Variants in CACNG8 observed in about 807,000 individuals in gnomAD.
CACNG8 encodes the protein voltage-dependent calcium channel gamma-8 subunit.
A neutral mutation model predicts 26.9 loss-of-function variants in CACNG8; 5 were observed. The observed-to-expected ratio is 0.19, with a 90% CI of 0.10 to 0.39. The LOEUF is 0.39. Among genes scored for constraint, CACNG8 ranks in the 10% least tolerant of loss-of-function variants. The pLI is 1.00. For synonymous variants in CACNG8, 321 were observed against 296.7 expected (o/e 1.08, Z -0.84); for missense variants, 473 against 609.4 (o/e 0.78, Z 2.36).
intron 1 of CACNG8, among the ~76,000 whole-genome samples, chr19:53,973,360 T>A (rs934626178): frequency 6.7e-6 from 1 of 150,106 alleles, no homozygotes; most frequent in Non-Finnish European, 1.5e-5. Context: ...CATCTCTACT[T>A]AACATACAAA....
intron 1 of CACNG8, among the ~76,000 whole-genome samples, chr19:53,976,289 G>A (rs1235250667): frequency 9.2e-5 from 14 of 152,236 alleles, no homozygotes; most frequent in Non-Finnish European, 2.1e-4. Flanking sequence ...AGGAGGTGGA[G>A]GTTGCAGTGA....
Position 53,978,060 on chromosome 19 carries a change from GA to G in CACNG8, c.284-84del. On this transcript the variant is annotated intron_variant, in intron 1 of 3. Transcript: ENST00000270458. The stretch of plus-strand genomic sequence containing the variant: ...AGCCCAGAGAGAGAAGGGGTTTGGG[GA>G]AGGGAAGGGTCGGTTGTCAGTGGGG... 5.6e-6 allele frequency: 5 copies of G among 887,250 alleles called. No homozygotes were observed. In the South Asian group the frequency reaches 7.4e-5, roughly 13 times the overall value. The allele number at this position is 887,250 out of a possible 1,614,324, so 55.0% of individuals were successfully genotyped here.
At chr19:53,981,886 G>A (rs1290696334) in intron 3 of CACNG8, among the ~76,000 whole-genome samples, 194 bp from the exon 4 acceptor site, 1 of 152,082 alleles carries the variant, frequency 6.6e-6, no homozygotes, top group East Asian at 1.9e-4. Context: ...GCATCGGGCG[G>A]GGAGTTGTGT....
At chr19:53,970,452 C>G (rs1009253415) in intron 1 of CACNG8, among the ~76,000 whole-genome samples, 1 of 151,084 alleles carries the variant, frequency 6.6e-6, no homozygotes, top group Admixed American at 6.6e-5. Flanking sequence ...TGGTGAAACC[C>G]CGTCTCTACT....
At chr19:53,965,855 T>C (rs1418016280) in intron 1 of CACNG8, among the ~76,000 whole-genome samples, 1 of 151,644 alleles carries the variant, frequency 6.6e-6, no homozygotes, top group Non-Finnish European at 1.5e-5. Flanking sequence ...CCCGAGCAGG[T>C]GACATTTGAT....
At chr19:53,967,773 T>G (rs1387644941) in intron 1 of CACNG8, among the ~76,000 whole-genome samples, 1 of 152,052 alleles carries the variant, frequency 6.6e-6, no homozygotes, top group Non-Finnish European at 1.5e-5. Context: ...AGGTGGAGGT[T>G]GCAGTGAGCC....
At position 53,981,530 on chromosome 19, in the gene CACNG8, C is replaced by A. The variant is rs532621186; in HGVS notation, c.509-550C>A. ...CCATCTGGGGGTGGGTCCTAGACCA[C>A]CTGGGGCAGAGTTTAGACCAGCCAG... On this transcript the variant is annotated intron_variant, in intron 3 of 3. Coordinates refer to ENST00000270458, the MANE Select transcript of CACNG8 (RefSeq NM_031895.6). Among the ~76,000 whole-genome samples the A allele has an allele frequency of 5.4e-4, 82 of 151,984 alleles. 1 individual carries two copies. The East Asian group carries it at 0.015, about 28-fold the overall frequency.
Position 53,979,065 on chromosome 19 carries a change from G to C in CACNG8, c.368-802G>C, listed in dbSNP as rs1357531886. Among the ~76,000 whole-genome samples the C allele has an allele frequency of 3.3e-4, 49 of 148,264 alleles. No individual in the cohort carries two copies. In the Admixed American group the frequency reaches 3.3e-3, roughly 10 times the overall value. On this transcript the variant is annotated intron_variant, in intron 2 of 3. Transcript: ENST00000270458. The stretch of plus-strand genomic sequence containing the variant: ...ATGAGGCCAGGCAGAAAAAAAAAGA[G>C]GGGGGAGAGACCTAGGAAGATAGGT...
chr19:53,980,547 G>T (rs531095288), intron 3 of CACNG8, among the ~76,000 whole-genome samples: 138 of 152,286 alleles, frequency 9.1e-4, no homozygotes, highest in African/African-American at 2.9e-3. Flanking sequence ...TAAAGGGGCT[G>T]GGTAAGGGAG....
chr19:53,963,527 AC>A (rs930390067), intron 1 of CACNG8, 102 bp downstream of exon 1: 1 of 1,191,990 alleles, frequency 8.4e-7, no homozygotes, highest in African/African-American at 1.6e-5. Context: ...CCCCTTGGGC[AC>A]CCCTCCTCCT....
chr19:53,964,909 G>A (rs2069263849), intron 1 of CACNG8, among the ~76,000 whole-genome samples: 1 of 152,056 alleles, frequency 6.6e-6, no homozygotes, highest in South Asian at 2.1e-4. Flanking sequence ...GCCCCCTTCG[G>A]CCAAAAGATT....
chr19:53,963,087 C>A lies in CACNG8; in HGVS notation c.-56C>A. On this transcript the variant is annotated 5_prime_UTR_variant, in exon 1 of 4. Transcript: ENST00000270458. ...AACCCCCCCCCAGCCGCCGGCACGG[C>A]CCCGCCCCCGCTGCCCCGGTGGTGG... 3.2e-6 allele frequency: 4 copies of A among 1,257,274 alleles called. No homozygotes were observed. The highest frequency in any genetic ancestry group is 4.1e-6 in the Non-Finnish European group (4 of 963,902). 77.9% of individuals were successfully genotyped at this position (1,257,274 alleles called of 1,614,324 possible).
At chr19:53,972,328 CTTTT>C (rs1171175449) in intron 1 of CACNG8, among the ~76,000 whole-genome samples, 1 of 126,560 alleles carries the variant, frequency 7.9e-6, no homozygotes, top group Non-Finnish European at 1.7e-5. Flanking sequence ...TGCTTTCTTT[CTTTT>C]TTTTTTCTTT....
chr19:53,971,847 C>T (rs1347349059), intron 1 of CACNG8, among the ~76,000 whole-genome samples: 1 of 152,200 alleles, frequency 6.6e-6, no homozygotes, highest in Non-Finnish European at 1.5e-5. Context: ...AAGAAAGCTG[C>T]CCCTTAACCC....
chr19:53,979,858 C>T lies in CACNG8; in HGVS notation c.368-9C>T. 2 of 1,590,702 alleles carry T rather than the reference C, an allele frequency of 1.3e-6. No homozygotes were observed. The highest frequency in any genetic ancestry group is 1.7e-6 in the Non-Finnish European group (2 of 1,166,166). ...TCTCCCTCCTTTTCCTTTCCTTCCT[C>T]CCCCGCAGGAGTTGTCCGGGCCTCC... On this transcript the variant is annotated splice_polypyrimidine_tract_variant and intron_variant, in intron 2 of 3. Coordinates refer to ENST00000270458, the MANE Select transcript of CACNG8 (RefSeq NM_031895.6).
At chr19:53,964,153 C>T (rs1220843736) in intron 1 of CACNG8, among the ~76,000 whole-genome samples, 1 of 151,950 alleles carries the variant, frequency 6.6e-6, no homozygotes, top group Non-Finnish European at 1.5e-5. Flanking sequence ...CTCCGCTCCA[C>T]CTGCCCCTTC....
chr19:53,972,320 CTTTCTTTCTTTTTTT>C (rs1304010678), intron 1 of CACNG8, among the ~76,000 whole-genome samples: 1 of 137,826 alleles, frequency 7.3e-6, no homozygotes, highest in Non-Finnish European at 1.6e-5. Flanking sequence ...TTCTTGCTTG[CTTTCTTTCTTTTTTT>C]TTTCTTTCTT....
chr19:53,976,035 G>GC (rs2069328614), intron 1 of CACNG8, among the ~76,000 whole-genome samples: 1 of 152,210 alleles, frequency 6.6e-6, no homozygotes. Context: ...TGTAACACCA[G>GC]CAAGGACACA....
At chr19:53,974,765 C>T (rs1314708892) in intron 1 of CACNG8, among the ~76,000 whole-genome samples, 2 of 151,766 alleles carry the variant, frequency 1.3e-5, no homozygotes, top group African/African-American at 4.8e-5. Flanking sequence ...CCTCAGCCTC[C>T]CAAGTAGCTG....
Sources: allele counts gnomAD v4.1 joint callset (sites outside exome capture counted in the v4.1 genomes callset), GRCh38; gene constraint gnomAD v4.1.1; transcripts MANE v1.5; gene names NCBI Gene and HGNC (gene_info 2026-07-23, HGNC 2026-07-21).